Variants in BAZ1A observed in about 807,000 individuals in gnomAD.
The protein encoded by BAZ1A is bromodomain adjacent to zinc finger domain protein 1A.
A neutral mutation model predicts 185.2 loss-of-function variants in BAZ1A; 50 were observed. The ratio of observed to expected loss-of-function variants is 0.27; its 90% CI spans 0.22 to 0.34. The LOEUF is 0.34. Ranked by LOEUF, BAZ1A falls within the 10% of genes least tolerant of loss-of-function variation. The pLI is 1.00. For missense variants in BAZ1A, 1,356 were observed against 1,839.9 expected (o/e 0.74, Z 4.81); for synonymous variants, 571 against 615.6 (o/e 0.93, Z 1.07).
chr14:34,852,299 C>T (rs775529813), intron 3 of BAZ1A, among the ~76,000 whole-genome samples: 12 of 151,984 alleles, frequency 7.9e-5, no homozygotes, highest in Non-Finnish European at 1.8e-4. Context: ...GCAGCCCTTA[C>T]ATCACCACTG....
At position 34,780,517 on chromosome 14, in the gene BAZ1A, G is replaced by GGTACTATGA. The variant is rs148456652; in HGVS notation, c.2112-216_2112-208dup. On this transcript the variant is annotated intron_variant, in intron 16 of 26. Coordinates refer to ENST00000360310, the MANE Select transcript of BAZ1A (RefSeq NM_013448.3). ...AAGTACTAAAACAAGAGAAGTTCAA[G>GGTACTATGA]GTACTATGAAAACATTTCAAGGAGA... 6.2e-3 allele frequency among the ~76,000 whole-genome samples: 938 copies of GGTACTATGA among 152,226 alleles called. 16 individuals carry two copies. Among genetic ancestry groups the GGTACTATGA allele is most frequent in the African/African-American group, 0.022 (906 of 41,544 alleles).
At chr14:34,865,945 C>T (rs146452876) in intron 2 of BAZ1A, among the ~76,000 whole-genome samples, 74 of 152,158 alleles carry the variant, frequency 4.9e-4, no homozygotes, top group Non-Finnish European at 8.4e-4. Flanking sequence ...CCCAGCACTT[C>T]GGCAGGCTGA....
chr14:34,783,002 A>C, intron 16 of BAZ1A, 117 bp downstream of exon 16: 1 of 770,528 alleles, frequency 1.3e-6, no homozygotes, highest in Non-Finnish European at 2.2e-6. Flanking sequence ...ATTATCATGT[A>C]CCTATAATAA....
rs2043001973 is a variant in BAZ1A, at chr14:34,874,207, G to C, written c.113+285C>G. 3.1e-6 allele frequency: 1 copy of C among 324,600 alleles called. No homozygotes were observed. Among genetic ancestry groups the C allele is most frequent in the Middle Eastern group, 8.8e-4 (1 of 1,130 alleles). 20.1% of individuals were successfully genotyped at this position (324,600 alleles called of 1,614,324 possible). ...GTTTCCGCCGCCCCGCGGCCAAGAG[G>C]GCGGGAGGGCGACAGCAGCGGCTAG... On this transcript the variant is annotated intron_variant, in intron 2 of 26. Transcript: ENST00000360310. This position sits in a 1 kb window ranked among gnomAD's most constrained non-coding sequence, Gnocchi z 4.7.
chr14:34,787,687 A>G (rs1450613615), intron 12 of BAZ1A, among the ~76,000 whole-genome samples: 4 of 152,216 alleles, frequency 2.6e-5, no homozygotes, highest in Non-Finnish European at 5.9e-5. Context: ...CGTCTCAAAA[A>G]AACAAAACAA....
Position 34,854,155 on chromosome 14 carries a change from G to A in BAZ1A, c.392+7889C>T, listed in dbSNP as rs548293267. 4.6e-5 allele frequency among the ~76,000 whole-genome samples: 7 copies of A among 152,222 alleles called. No homozygotes were observed. In the South Asian group the frequency reaches 1.0e-3, roughly 23 times the overall value. On this transcript the variant is annotated intron_variant, in intron 3 of 26. Transcript: ENST00000360310. ...AAAGTTAAAATTGTGGGCTGTGTGC[G>A]GTGGCTCACATCTGTAATTCCAGCA...
chr14:34,822,655 T>C (rs1266768134), intron 4 of BAZ1A, among the ~76,000 whole-genome samples: 1 of 152,136 alleles, frequency 6.6e-6, no homozygotes, highest in Non-Finnish European at 1.5e-5. Flanking sequence ...CATCAGCTTA[T>C]TCACTTTTCT....
intron 2 of BAZ1A, among the ~76,000 whole-genome samples, chr14:34,867,269 A>G (rs1471730710): frequency 6.6e-6 from 1 of 152,214 alleles, no homozygotes; most frequent in Non-Finnish European, 1.5e-5. Flanking sequence ...AAACAAAAAA[A>G]AGAAAAAAAA....
At position 34,832,215 on chromosome 14, in the gene BAZ1A, C is replaced by CATATATATATATATATATATATATAT. The variant is rs796421959; in HGVS notation, c.393-6060_393-6059insATATATATATATATATATATATATAT. Among the ~76,000 whole-genome samples the CATATATATATATATATATATATATAT allele has an allele frequency of 3.8e-3, 339 of 89,252 alleles. 5 individuals are homozygous for CATATATATATATATATATATATATAT. The highest frequency in any genetic ancestry group is 5.8e-3 in the Non-Finnish European group (246 of 42,430). 58.6% of individuals were successfully genotyped at this position (89,252 alleles called of 152,430 possible). On this transcript the variant is annotated intron_variant, in intron 3 of 26. Coordinates refer to ENST00000360310, the MANE Select transcript of BAZ1A (RefSeq NM_013448.3). The stretch of plus-strand genomic sequence containing the variant: ...ATACACACACACACACACACACACA[C>CATATATATATATATATATATATATAT]ATATATATATATATATGTATGTATG...
Position 34,801,101 on chromosome 14 carries a change from C to T in BAZ1A, c.954G>A (p.Lys318=). The T allele has an allele frequency of 1.9e-6, 3 of 1,591,980 alleles. No individual in the cohort carries two copies. In the East Asian group the frequency reaches 6.8e-5, roughly 36 times the overall value. ...RDKLLKQEEM[K]SLAFEKAKLK... is the part of the protein sequence containing the mutation. Reference sequence around the variant, plus strand: ...AACAATGTTAAAACTCACCCAGTGACTTCATTTCTTCTTGTTTCAAAAGTT... The same window carrying T: ...AACAATGTTAAAACTCACCCAGTGATTTCATTTCTTCTTGTTTCAAAAGTT... The change falls in exon 8 of 27, where the codon AAG becomes AAA. Residue 318 remains lysine (K), a synonymous_variant. Transcript: ENST00000360310.
At chr14:34,867,634 T>C (rs367962139) in intron 2 of BAZ1A, among the ~76,000 whole-genome samples, 1 of 152,232 alleles carries the variant, frequency 6.6e-6, no homozygotes, top group Admixed American at 6.5e-5. Flanking sequence ...TTCCTTTGTG[T>C]CTATTTACTC....
intron 4 of BAZ1A, among the ~76,000 whole-genome samples, chr14:34,819,098 G>A (rs539067857): frequency 3.2e-5 from 4 of 124,596 alleles, no homozygotes; most frequent in South Asian, 2.5e-4. Flanking sequence ...CTGAGATCAC[G>A]CCACTGCACT....
At chr14:34,857,838 C>G (rs1472040927) in intron 3 of BAZ1A, among the ~76,000 whole-genome samples, 1 of 152,162 alleles carries the variant, frequency 6.6e-6, no homozygotes. Context: ...GTTCCTTCTC[C>G]TTCATTCTGT....
rs1428858358 is a variant in BAZ1A, at chr14:34,758,998, AACCAAAATAGG to A, written c.4244-163_4244-153del. 6.9e-5 allele frequency: 50 copies of A among 721,850 alleles called. No homozygotes were observed. The African/African-American group carries it at 8.1e-4, about 12-fold the overall frequency. 44.7% of individuals were successfully genotyped at this position (721,850 alleles called of 1,614,324 possible). On this transcript the variant is annotated intron_variant, in intron 24 of 26. Coordinates refer to ENST00000360310, the MANE Select transcript of BAZ1A (RefSeq NM_013448.3). ...TATTTTCTGGGAGATATGAAAATTC[AACCAAAATAGG>A]ACCAAATAGTCATTATTTCCTTTTT...
intron 3 of BAZ1A, among the ~76,000 whole-genome samples, chr14:34,829,385 T>C (rs1021138606): frequency 8.0e-4 from 120 of 150,760 alleles, no homozygotes; most frequent in African/African-American, 2.7e-3. Flanking sequence ...AGTGAGACTA[T>C]CTAAAAAAAT....
intron 3 of BAZ1A, among the ~76,000 whole-genome samples, chr14:34,857,399 G>T (rs1311407351): frequency 6.6e-6 from 1 of 152,088 alleles, no homozygotes; most frequent in Non-Finnish European, 1.5e-5. Flanking sequence ...GCATTCCTGG[G>T]CTCAACTGAT....
chr14:34,758,553 C>G (rs1397073454), intron 25 of BAZ1A, 151 bp downstream of exon 25: 6 of 752,356 alleles, frequency 8.0e-6, no homozygotes, highest in Non-Finnish European at 1.2e-5. Context: ...GCACTCCAGC[C>G]TGGGCGACAG....
Position 34,791,802 on chromosome 14 carries a change from A to AAATC in BAZ1A, c.1510+969_1510+972dup, listed in dbSNP as rs1377256179. 3.9e-5 allele frequency among the ~76,000 whole-genome samples: 6 copies of AAATC among 152,346 alleles called. No homozygotes were observed. The East Asian group carries it at 1.2e-3, about 29-fold the overall frequency. On this transcript the variant is annotated intron_variant, in intron 12 of 26. Coordinates refer to ENST00000360310, the MANE Select transcript of BAZ1A (RefSeq NM_013448.3). The stretch of plus-strand genomic sequence containing the variant: ...AGCTCAAGGTATTATTCAGGAGGCC[A>AAATC]AATCAATCTCTTATTAGAAATGCTT...
In BAZ1A at chr14:34,783,791, A is replaced by T; in HGVS notation, c.1968T>A (p.His656Gln). The T allele has an allele frequency of 1.2e-6, 2 of 1,612,068 alleles. No homozygotes were observed. The highest frequency in any genetic ancestry group is 1.7e-6 in the Non-Finnish European group (2 of 1,179,504). ...QEFRELKAEQ[H>Q]RKEREEAAAR... is the part of the protein sequence containing the mutation. ...CAGCTGCTTCTTCCCTCTCTTTTCG[A>T]TGTTGTTCTGCTTTTAATTCCCGGA... is the stretch of plus-strand genomic sequence containing the variant. The change falls in exon 15 of 27, where the codon CAT (histidine) becomes CAA (glutamine). Residue 656 changes from histidine to glutamine, a missense_variant. Physicochemically the swap from His to Gln is conservative, Grantham distance 24. Transcript: ENST00000360310.
Sources: allele counts gnomAD v4.1 joint callset (sites outside exome capture counted in the v4.1 genomes callset), GRCh38; gene constraint gnomAD v4.1.1; non-coding constraint Gnocchi (gnomAD v3.1); transcripts MANE v1.5; gene names NCBI Gene and HGNC (gene_info 2026-07-23, HGNC 2026-07-21).